The following ST8SIA1 variants were observed in gnomAD, a reference collection of about 807,000 sequenced individuals.
ST8SIA1 encodes the protein ST8 alpha-N-acetyl-neuraminide alpha-2,8-sialyltransferase 1.
Under a neutral mutation model 35.9 loss-of-function variants are expected in ST8SIA1, and 16 were observed. That is an observed-to-expected ratio of 0.45 (90% CI 0.30 to 0.68). ST8SIA1 has a LOEUF of 0.68. ST8SIA1 is among the 30% of genes least tolerant of loss of function. The pLI, the probability that ST8SIA1 is intolerant of heterozygous loss-of-function variation, is 0.09. For synonymous variants in ST8SIA1, 170 were observed against 169.6 expected (o/e 1.00, Z -0.02); for missense variants, 383 against 453.6 (o/e 0.84, Z 1.41).
At chr12:22,239,474 A>G (rs1416014912) in intron 4 of ST8SIA1, among the ~76,000 whole-genome samples, 1 of 152,146 alleles carries the variant, frequency 6.6e-6, no homozygotes, top group East Asian at 1.9e-4. Flanking sequence ...CATTTCAACA[A>G]TTATATTTTT....
chr12:22,264,606 C>G (rs993000899), intron 2 of ST8SIA1, among the ~76,000 whole-genome samples: 3 of 151,890 alleles, frequency 2.0e-5, no homozygotes, highest in African/African-American at 7.3e-5. Context: ...ATGAAAATAT[C>G]TGGTAATTAG....
intron 2 of ST8SIA1, chr12:22,286,429 G>A: frequency 1.9e-6 from 1 of 518,588 alleles, no homozygotes; most frequent in Non-Finnish European, 3.9e-6. Flanking sequence ...CAAACCAAGG[G>A]TGGCTAAAAG....
intron 4 of ST8SIA1, among the ~76,000 whole-genome samples, chr12:22,227,582 A>G (rs540361486): frequency 5.3e-5 from 8 of 152,250 alleles, no homozygotes; most frequent in African/African-American, 1.9e-4. Context: ...AAAAAACAAA[A>G]CAAAACAAAA....
chr12:22,250,987 C>T (rs61921817), intron 3 of ST8SIA1, among the ~76,000 whole-genome samples: 8,371 of 152,066 alleles, frequency 0.055, 341 homozygotes, highest in East Asian at 0.16. Flanking sequence ...GCCCCATATC[C>T]CATGTGGTTT....
chr12:22,286,890 C>A (rs1866106551), intron 2 of ST8SIA1, among the ~76,000 whole-genome samples: 1 of 152,220 alleles, frequency 6.6e-6, no homozygotes, highest in Non-Finnish European at 1.5e-5. Context: ...TCATTCATTT[C>A]TTGCTTCCTT....
intron 2 of ST8SIA1, among the ~76,000 whole-genome samples, chr12:22,266,846 T>TACACACAC (rs1228345503): frequency 2.0e-5 from 2 of 101,688 alleles, no homozygotes; most frequent in African/African-American, 7.7e-5. Flanking sequence ...TACACAAAAG[T>TACACACAC]ATACACACAC....
intron 1 of ST8SIA1, among the ~76,000 whole-genome samples, chr12:22,318,113 C>T (rs2900502): frequency 0.58 from 88,249 of 152,088 alleles, 26,595 homozygotes; most frequent in African/African-American, 0.74. Flanking sequence ...CTGATAAGAC[C>T]TTTATGTTTG....
rs1866315679 is a variant in ST8SIA1, at chr12:22,301,283, C to A, written c.237-13990G>T. On this transcript the variant is annotated intron_variant, in intron 1 of 4. Coordinates refer to ENST00000396037, the MANE Select transcript of ST8SIA1 (RefSeq NM_003034.4). ...CAGAATAGTGGTAAAACTTTCAGGA[C>A]CCATGGAGAGCTGAAATGTTTATGA... 2.5e-5 allele frequency among the ~76,000 whole-genome samples: 3 copies of A among 120,720 alleles called. No individual in the cohort carries two copies. The South Asian group carries it at 7.5e-4, about 30-fold the overall frequency. The allele number at this position is 120,720 out of a possible 152,430, so 79.2% of individuals were successfully genotyped here.
At chr12:22,226,702 T>C (rs1865362935) in intron 4 of ST8SIA1, among the ~76,000 whole-genome samples, 1 of 152,128 alleles carries the variant, frequency 6.6e-6, no homozygotes, top group African/African-American at 2.4e-5. Context: ...TTCTGCACTG[T>C]AACTCTGCTC....
intron 4 of ST8SIA1, among the ~76,000 whole-genome samples, chr12:22,212,876 A>G (rs1865189746): frequency 6.6e-6 from 1 of 152,206 alleles, no homozygotes; most frequent in African/African-American, 2.4e-5. Context: ...TTGCTTTTCC[A>G]TAACTGCTCA....
rs759480751 is a variant in ST8SIA1, at chr12:22,334,258, G to A, written c.-26C>T. The A allele has an allele frequency of 6.3e-7, 1 of 1,587,444 alleles. No homozygotes were observed. The highest frequency in any genetic ancestry group is 8.6e-7 in the Non-Finnish European group (1 of 1,162,732). On this transcript the variant is annotated 5_prime_UTR_variant, in exon 1 of 5. Coordinates refer to ENST00000396037, the MANE Select transcript of ST8SIA1 (RefSeq NM_003034.4). ...CGCAGCCCCGGCGTCCCAGGGGCGGGGGCCGGGGCCTCAGCACAAAGCTAG... is the reference window on the plus strand; with the variant it reads ...CGCAGCCCCGGCGTCCCAGGGGCGGAGGCCGGGGCCTCAGCACAAAGCTAG...
chr12:22,302,639 A>T (rs1866333193), intron 1 of ST8SIA1, among the ~76,000 whole-genome samples: 1 of 152,172 alleles, frequency 6.6e-6, no homozygotes, highest in Admixed American at 6.5e-5. Flanking sequence ...TTTTCTCCAA[A>T]AATTTTAGAA....
chr12:22,264,090 C>T (rs973603734), intron 2 of ST8SIA1, among the ~76,000 whole-genome samples: 1 of 152,152 alleles, frequency 6.6e-6, no homozygotes, highest in African/African-American at 2.4e-5. Context: ...GCTTCATCCA[C>T]ACACATAATT....
chr12:22,268,109 G>A (rs533191064), intron 2 of ST8SIA1, among the ~76,000 whole-genome samples: 2 of 152,288 alleles, frequency 1.3e-5, no homozygotes, highest in South Asian at 2.1e-4. Context: ...GTAACTCTTA[G>A]TGTCTCCAGA....
intron 3 of ST8SIA1, among the ~76,000 whole-genome samples, chr12:22,249,517 G>GC (rs1420562671): frequency 1.3e-5 from 2 of 151,640 alleles, no homozygotes; most frequent in African/African-American, 2.4e-5. Context: ...ACTGCACCCA[G>GC]CCAGTAACTG....
intron 4 of ST8SIA1, among the ~76,000 whole-genome samples, chr12:22,240,542 G>A (rs1240177987): frequency 2.0e-5 from 3 of 151,554 alleles, no homozygotes; most frequent in Non-Finnish European, 2.9e-5. Flanking sequence ...AAAAAAAAAA[G>A]AAGTCAGACA....
chr12:22,271,970 A>G (rs1442680124), intron 2 of ST8SIA1, among the ~76,000 whole-genome samples: 1 of 152,202 alleles, frequency 6.6e-6, no homozygotes, highest in Non-Finnish European at 1.5e-5. Context: ...TATTCATATG[A>G]TAACACTTTG....
At chr12:22,266,980 A>G (rs537177707) in intron 2 of ST8SIA1, among the ~76,000 whole-genome samples, 90 of 152,294 alleles carry the variant, frequency 5.9e-4, no homozygotes, top group Non-Finnish European at 9.7e-4. Flanking sequence ...AAGGAATTTG[A>G]TGGTGTAGAA....
At chr12:22,239,260 C>T (rs1865512041) in intron 4 of ST8SIA1, among the ~76,000 whole-genome samples, 1 of 152,166 alleles carries the variant, frequency 6.6e-6, no homozygotes, top group African/African-American at 2.4e-5. Context: ...TTATGGATCA[C>T]ATTAATCATG....
Sources: allele counts gnomAD v4.1 joint callset (sites outside exome capture counted in the v4.1 genomes callset), GRCh38; gene constraint gnomAD v4.1.1; transcripts MANE v1.5; gene names NCBI Gene and HGNC (gene_info 2026-07-23, HGNC 2026-07-21).